Variants in LOC128092253 observed in about 807,000 individuals in gnomAD.
At chr6:133,968,507 TA>T in the LOC128092253 span, among the ~76,000 whole-genome samples, 1 of 152,230 alleles carries the variant, frequency 6.6e-6, no homozygotes, top group Non-Finnish European at 1.5e-5. Context: ...TACATTGCTT[TA>T]ATAGAGCATA....
the LOC128092253 span, chr6:133,953,551 G>GT: frequency 6.6e-6 from 1 of 152,362 alleles, no homozygotes; most frequent in African/African-American, 2.4e-5. Context: ...GGTGGGATGT[G>GT]TGGGGGCGGG....
chr6:133,958,916 T>C, the LOC128092253 span, among the ~76,000 whole-genome samples: 2 of 152,208 alleles, frequency 1.3e-5, no homozygotes, highest in African/African-American at 4.8e-5. Context: ...TTGGCAAATA[T>C]GCTTGTATTT....
At chr6:133,966,561 A>G in the LOC128092253 span, among the ~76,000 whole-genome samples, 1 of 152,126 alleles carries the variant, frequency 6.6e-6, no homozygotes, top group African/African-American at 2.4e-5. Flanking sequence ...ACTGCTCCGT[A>G]TCTCCTCTTG....
the LOC128092253 span, among the ~76,000 whole-genome samples, chr6:133,974,554 C>G: frequency 6.6e-6 from 1 of 152,202 alleles, no homozygotes; most frequent in Non-Finnish European, 1.5e-5. Context: ...GTCTCAAACT[C>G]CTGACCTCGT....
At chr6:133,959,464 GTTCT>G in the LOC128092253 span, among the ~76,000 whole-genome samples, 74 of 152,136 alleles carry the variant, frequency 4.9e-4, no homozygotes, top group South Asian at 6.7e-3. Context: ...TTTCTCTAGT[GTTCT>G]TTCTTTCTTT....
At chr6:133,978,996 A>AT in the LOC128092253 span, among the ~76,000 whole-genome samples, 1 of 152,156 alleles carries the variant, frequency 6.6e-6, no homozygotes, top group Non-Finnish European at 1.5e-5. Flanking sequence ...CAAAGAGAGA[A>AT]TTTTTTAGCT....
the LOC128092253 span, among the ~76,000 whole-genome samples, chr6:133,960,152 T>C: frequency 6.6e-6 from 1 of 152,186 alleles, no homozygotes; most frequent in African/African-American, 2.4e-5. Flanking sequence ...GTTGACCTCC[T>C]TCCAGGATCT....
the LOC128092253 span, among the ~76,000 whole-genome samples, chr6:133,973,784 CTTTT>C: frequency 6.6e-6 from 1 of 151,980 alleles, no homozygotes; most frequent in Non-Finnish European, 1.5e-5. Context: ...TTGAAGTTTG[CTTTT>C]TTTATGAGAA....
the LOC128092253 span, among the ~76,000 whole-genome samples, chr6:133,973,467 T>C: frequency 6.6e-6 from 1 of 152,228 alleles, no homozygotes; most frequent in Admixed American, 6.5e-5. Flanking sequence ...TTTTGCTTCG[T>C]TTTTATGACA....
chr6:133,975,795 A>G, the LOC128092253 span, among the ~76,000 whole-genome samples: 1 of 152,178 alleles, frequency 6.6e-6, no homozygotes, highest in Non-Finnish European at 1.5e-5. Context: ...GGGAAAGGTG[A>G]GGAGGATGTG....
the LOC128092253 span, among the ~76,000 whole-genome samples, chr6:133,963,848 G>A: frequency 6.6e-6 from 1 of 150,980 alleles, no homozygotes; most frequent in Non-Finnish European, 1.5e-5. Context: ...GGCTAACGTG[G>A]TGAAACGCCG....
the LOC128092253 span, among the ~76,000 whole-genome samples, chr6:133,965,198 A>G: frequency 1.3e-5 from 2 of 152,232 alleles, no homozygotes; most frequent in African/African-American, 4.8e-5. Context: ...AGTCTTACAA[A>G]TTATAGTCAC....
At chr6:133,959,705 A>G in the LOC128092253 span, among the ~76,000 whole-genome samples, 1 of 151,912 alleles carries the variant, frequency 6.6e-6, no homozygotes, top group Non-Finnish European at 1.5e-5. Flanking sequence ...CTGGTCTTGA[A>G]CTTCTGACCT....
the LOC128092253 span, among the ~76,000 whole-genome samples, chr6:133,978,385 G>A: frequency 2.0e-5 from 3 of 152,118 alleles, no homozygotes; most frequent in African/African-American, 7.2e-5. Context: ...TACAATATGA[G>A]AACACTGAGA....
chr6:133,965,985 A>G, the LOC128092253 span, among the ~76,000 whole-genome samples: 3 of 152,204 alleles, frequency 2.0e-5, no homozygotes, highest in African/African-American at 7.2e-5. Context: ...CAAAGGTGTT[A>G]ACTTACCCAC....
the LOC128092253 span, among the ~76,000 whole-genome samples, chr6:133,974,960 A>G: frequency 2.6e-5 from 4 of 152,230 alleles, no homozygotes; most frequent in Admixed American, 6.5e-5. Context: ...CACCTAAGAC[A>G]CTGGGTTATA....
the LOC128092253 span, among the ~76,000 whole-genome samples, chr6:133,971,401 C>T: frequency 6.6e-6 from 1 of 152,170 alleles, no homozygotes; most frequent in African/African-American, 2.4e-5. Flanking sequence ...CTTCAACATC[C>T]TGATTTCATT....
the LOC128092253 span, among the ~76,000 whole-genome samples, chr6:133,959,022 C>T: frequency 7.9e-5 from 12 of 151,874 alleles, no homozygotes; most frequent in Non-Finnish European, 1.2e-4. Context: ...GTTTTAGATA[C>T]CCTGAGGACT....
At chr6:133,969,374 CTT>C in the LOC128092253 span, among the ~76,000 whole-genome samples, 1 of 148,372 alleles carries the variant, frequency 6.7e-6, no homozygotes, top group Non-Finnish European at 1.5e-5. Context: ...CCATAATTCA[CTT>C]TGATACAAAA....
Sources: allele counts gnomAD v4.1 joint callset (sites outside exome capture counted in the v4.1 genomes callset), GRCh38; gene constraint gnomAD v4.1.1; transcripts MANE v1.5.